SVOP: variants seen among roughly 807,000 people sequenced by gnomAD.
The protein encoded by SVOP is SV2 related protein.
In SVOP, 17 loss-of-function variants were observed where a neutral mutation model predicts 69.1. That is an observed-to-expected ratio of 0.25 (90% CI 0.17 to 0.37). SVOP has a LOEUF of 0.37. Ranked by LOEUF, SVOP falls within the 10% of genes least tolerant of loss-of-function variation. The pLI, the probability that SVOP is intolerant of heterozygous loss-of-function variation, is 1.00. For missense variants in SVOP, 435 were observed against 597.5 expected, an observed-to-expected ratio of 0.73 and a Z score of 2.84; for synonymous variants, 238 against 238.6, an observed-to-expected ratio of 1.00 and a Z score of 0.02.
intron 5 of SVOP, among the ~76,000 whole-genome samples, chr12:108,970,748 C>T: frequency 6.6e-6 from 1 of 152,218 alleles, no homozygotes; most frequent in Non-Finnish European, 1.5e-5. Flanking sequence ...CACACAGTGG[C>T]TCACATCTGT....
At chr12:108,942,465 T>A (rs1358147792) in intron 7 of SVOP, among the ~76,000 whole-genome samples, 1 of 152,230 alleles carries the variant, frequency 6.6e-6, no homozygotes, top group Non-Finnish European at 1.5e-5. Context: ...CACTTTTGTA[T>A]GGGTTCCATC....
chr12:108,988,505 G>A (rs1340500578), intron 1 of SVOP, among the ~76,000 whole-genome samples: 1 of 152,054 alleles, frequency 6.6e-6, no homozygotes, highest in East Asian at 1.9e-4. Flanking sequence ...GAGTGATCTT[G>A]GCACCATTTT....
chr12:108,997,286 T>G (rs1264949329), intron 1 of SVOP, among the ~76,000 whole-genome samples: 1 of 149,090 alleles, frequency 6.7e-6, no homozygotes, highest in Non-Finnish European at 1.5e-5. Flanking sequence ...GAGATTATAT[T>G]CCGCACCTGG....
At chr12:108,921,437 C>A (rs75948191) in intron 12 of SVOP, among the ~76,000 whole-genome samples, 6,481 of 152,046 alleles carry the variant, frequency 0.043, 491 homozygotes, top group African/African-American at 0.15. Flanking sequence ...AAGAAAGGAC[C>A]AGCAGGAGAG....
At chr12:108,982,457 A>G (rs1695407042) in intron 2 of SVOP, among the ~76,000 whole-genome samples, 1 of 148,644 alleles carries the variant, frequency 6.7e-6, no homozygotes, top group African/African-American at 2.5e-5. Context: ...CACCATAATC[A>G]TCACTATCAA....
intron 11 of SVOP, among the ~76,000 whole-genome samples, chr12:108,931,480 A>G (rs937235184): frequency 3.9e-5 from 6 of 152,186 alleles, no homozygotes; most frequent in African/African-American, 1.4e-4. Flanking sequence ...TTTAAAACTT[A>G]CTAATGCTTG....
At chr12:108,962,785 T>C (rs2040024682) in intron 5 of SVOP, among the ~76,000 whole-genome samples, 2 of 152,092 alleles carry the variant, frequency 1.3e-5, no homozygotes, top group African/African-American at 4.8e-5. Flanking sequence ...GCCAACATGG[T>C]GAAGCCCTGT....
At position 108,961,049 on chromosome 12, in the gene SVOP, T is replaced by C; in HGVS notation, c.454-2A>G. On this transcript the variant is annotated splice_acceptor_variant, in intron 5 of 15. Coordinates refer to ENST00000610966, the MANE Select transcript of SVOP (RefSeq NM_018711.5). LOFTEE classifies it high-confidence loss of function. Reference sequence around the variant, plus strand: ...CCACAGCACGCTGATCTTCAGCCCCTGAAGAGAAGGAAGACACGGAATCAC... The same window carrying C: ...CCACAGCACGCTGATCTTCAGCCCCCGAAGAGAAGGAAGACACGGAATCAC... 6.5e-7 allele frequency: 1 copy of C among 1,534,714 alleles called. No homozygotes were observed. The highest frequency in any genetic ancestry group is 8.7e-7 in the Non-Finnish European group (1 of 1,145,396).
chr12:108,945,853 T>C (rs546672115), intron 6 of SVOP, among the ~76,000 whole-genome samples: 1 of 152,296 alleles, frequency 6.6e-6, no homozygotes, highest in South Asian at 2.1e-4. Flanking sequence ...ACTGGTGACA[T>C]TAATTTTCAT....
intron 11 of SVOP, among the ~76,000 whole-genome samples, 158 bp from the exon 12 acceptor site, chr12:108,922,955 C>G (rs577594431): frequency 6.6e-6 from 1 of 152,196 alleles, no homozygotes; most frequent in Non-Finnish European, 1.5e-5. Flanking sequence ...AACACCAAGC[C>G]GCAGTGCTCC....
At chr12:108,969,831 A>C (rs560094377) in intron 5 of SVOP, among the ~76,000 whole-genome samples, 7 of 152,250 alleles carry the variant, frequency 4.6e-5, no homozygotes, top group Admixed American at 3.9e-4. Context: ...GTGGGAGAGC[A>C]GATGGGGGCA....
intron 6 of SVOP, among the ~76,000 whole-genome samples, chr12:108,955,167 T>A (rs568747133): frequency 3.6e-4 from 55 of 152,380 alleles, no homozygotes; most frequent in African/African-American, 1.3e-3. Flanking sequence ...ATCCTTTATC[T>A]TTCCTTATAT....
chr12:108,944,131 C>T (rs2039909179), intron 7 of SVOP, among the ~76,000 whole-genome samples: 2 of 152,040 alleles, frequency 1.3e-5, no homozygotes, highest in Admixed American at 1.3e-4. Context: ...TCCAAACGCC[C>T]CGGCCTCCCA....
At chr12:108,976,108 C>G (rs192026979) in intron 4 of SVOP, among the ~76,000 whole-genome samples, 101,799 of 151,876 alleles carry the variant, frequency 0.67, 34,623 homozygotes, top group East Asian at 0.79. Flanking sequence ...TAACAAAATA[C>G]ACAGAAAAAC....
At chr12:108,994,447 T>A (rs1797624987) in intron 1 of SVOP, among the ~76,000 whole-genome samples, 1 of 152,122 alleles carries the variant, frequency 6.6e-6, no homozygotes, top group Non-Finnish European at 1.5e-5. Context: ...TGAGCTGAGA[T>A]CACGCCACTG....
chr12:108,940,882 C>G lies in SVOP; in HGVS notation c.670G>C (p.Glu224Gln). 1 of 1,537,016 alleles carries G rather than the reference C, an allele frequency of 6.5e-7. No homozygotes were observed. ...EVFWAIGTVF[E>Q]VVLAVFVMPS... ...ATCACGAACACAGCCAGGACGACCT[C>G]GAACACTGTCCCGATGGCCCAGAAT... Residue 224 changes from glutamate (E) to glutamine (Q), a missense_variant, in exon 8 of 16, where the codon GAG (glutamate) becomes CAG (glutamine). Physicochemically the swap from Glu to Gln is conservative, Grantham distance 29 (BLOSUM62 2). Coordinates refer to ENST00000610966, the MANE Select transcript of SVOP (RefSeq NM_018711.5).
intron 1 of SVOP, among the ~76,000 whole-genome samples, chr12:109,000,039 G>A (rs1281129266): frequency 2.6e-5 from 4 of 151,254 alleles, no homozygotes; most frequent in East Asian, 1.9e-4. Flanking sequence ...TTTTTTGAAA[G>A]GATCAACAAA....
chr12:108,939,124 C>T (rs2039873885), intron 8 of SVOP, among the ~76,000 whole-genome samples, 169 bp from the exon 9 acceptor site: 2 of 152,184 alleles, frequency 1.3e-5, no homozygotes, highest in Admixed American at 6.5e-5. Flanking sequence ...TTGTGTGACC[C>T]TGTACAATTA....
Position 108,960,972 on chromosome 12 carries a change from G to T in SVOP, c.529C>A (p.Leu177Met). 3.3e-6 allele frequency: 5 copies of T among 1,537,168 alleles called. No homozygotes were observed. The highest frequency in any genetic ancestry group is 4.4e-6 in the Non-Finnish European group (5 of 1,146,862). ...SAFAPVYSWI[L>M]VLRGLVGFGI... is the part of the protein sequence containing the mutation. The stretch of plus-strand genomic sequence containing the variant: ...AAGCCCACCAGGCCCCGGAGCACCA[G>T]GATCCAGCTATACACGGGCGCAAAT... Residue 177 changes from leucine to methionine, a missense_variant, in exon 6 of 16, where the codon CTG (leucine) becomes ATG (methionine). Physicochemically the swap from Leu to Met is conservative, Grantham distance 15 (BLOSUM62 2). Coordinates refer to ENST00000610966, the MANE Select transcript of SVOP (RefSeq NM_018711.5).
Sources: allele counts gnomAD v4.1 joint callset (sites outside exome capture counted in the v4.1 genomes callset), GRCh38; gene constraint gnomAD v4.1.1; transcripts MANE v1.5; gene names NCBI Gene and HGNC (gene_info 2026-07-23, HGNC 2026-07-21).